The following PREX2 variants were observed in gnomAD, a reference collection of about 807,000 sequenced individuals.
PREX2 encodes phosphatidylinositol-3,4,5-trisphosphate dependent Rac exchange factor 2.
PREX2 carries 107 observed loss-of-function variants against 203.2 expected under a neutral mutation model. The ratio of observed to expected loss-of-function variants is 0.53; its 90% CI spans 0.45 to 0.62. PREX2 has a LOEUF of 0.62. Ranked by LOEUF, PREX2 falls within the 20% of genes least tolerant of loss-of-function variation. The pLI is 0.00. For synonymous variants in PREX2, 672 were observed against 663.6 expected (o/e 1.01, Z -0.19); for missense variants, 1,777 against 1,955.9 (o/e 0.91, Z 1.72).
At chr8:67,998,960 A>G (rs1366469869) in intron 1 of PREX2, among the ~76,000 whole-genome samples, 1 of 152,174 alleles carries the variant, frequency 6.6e-6, no homozygotes, top group Non-Finnish European at 1.5e-5. Flanking sequence ...GTTTCTTTGC[A>G]TCATTAGCTT....
intron 31 of PREX2, among the ~76,000 whole-genome samples, chr8:68,128,179 C>G (rs2129613269): frequency 6.6e-6 from 1 of 152,264 alleles, no homozygotes; most frequent in South Asian, 2.1e-4. Flanking sequence ...CTGTGCGTCT[C>G]TTTCTGTAGA....
chr8:67,989,592 A>G (rs1325876696), intron 1 of PREX2, among the ~76,000 whole-genome samples: 1 of 152,224 alleles, frequency 6.6e-6, no homozygotes, highest in Non-Finnish European at 1.5e-5. Context: ...CTATACTTAT[A>G]CAAAACTATT....
intron 14 of PREX2, among the ~76,000 whole-genome samples, chr8:68,076,067 A>T (rs887798434): frequency 6.6e-6 from 1 of 152,200 alleles, no homozygotes; most frequent in South Asian, 2.1e-4. Context: ...TAAAACCAAG[A>T]TATGGAAAGT....
intron 21 of PREX2, among the ~76,000 whole-genome samples, chr8:68,096,202 A>G (rs1193521257): frequency 6.6e-6 from 1 of 152,188 alleles, no homozygotes; most frequent in Non-Finnish European, 1.5e-5. Flanking sequence ...TGCCACATTG[A>G]AAGGTAGATT....
Position 68,126,001 on chromosome 8 carries a change from A to G in PREX2, c.3725-1377A>G, listed in dbSNP as rs903178582. 3.3e-5 allele frequency among the ~76,000 whole-genome samples: 5 copies of G among 152,004 alleles called. No homozygotes were observed. The East Asian group carries it at 5.8e-4, about 18-fold the overall frequency. ...TCACAGAGTCTTGCGGTGATTTTCT[A>G]TTAGGTAAGACTAAACACATTGATC... is the stretch of plus-strand genomic sequence containing the variant. On this transcript the variant is annotated intron_variant, in intron 30 of 39. Coordinates refer to ENST00000288368, the MANE Select transcript of PREX2 (RefSeq NM_024870.4).
chr8:68,169,184 T>C (rs1322831235), intron 35 of PREX2, among the ~76,000 whole-genome samples: 2 of 152,082 alleles, frequency 1.3e-5, no homozygotes. Flanking sequence ...ACGAGTGTTC[T>C]ATTCTCAGAA....
chr8:68,078,269 G>A (rs1221297376), intron 15 of PREX2, among the ~76,000 whole-genome samples: 2 of 152,082 alleles, frequency 1.3e-5, no homozygotes, highest in African/African-American at 2.4e-5. Flanking sequence ...GGGTTGAAGC[G>A]ATTCTCCCAC....
intron 31 of PREX2, among the ~76,000 whole-genome samples, chr8:68,131,290 G>A (rs193072349): frequency 1.1e-4 from 17 of 152,294 alleles, no homozygotes; most frequent in Admixed American, 4.6e-4. Context: ...TGAGATGATG[G>A]TTTGTAAAAA....
At chr8:68,108,424 T>G in intron 24 of PREX2, 93 bp downstream of exon 24, 1 of 809,828 alleles carries the variant, frequency 1.2e-6, no homozygotes, top group Non-Finnish European at 2.0e-6. Flanking sequence ...AGATACCTGG[T>G]GTGCAAACAA....
chr8:68,140,389 CTTATT>C (rs1170029695), intron 33 of PREX2, among the ~76,000 whole-genome samples: 1 of 152,150 alleles, frequency 6.6e-6, no homozygotes, highest in Non-Finnish European at 1.5e-5. Context: ...GAATATAATT[CTTATT>C]TTAAGTTGAT....
intron 23 of PREX2, among the ~76,000 whole-genome samples, chr8:68,101,920 G>T (rs753828287): frequency 7.2e-5 from 11 of 152,180 alleles, no homozygotes; most frequent in Non-Finnish European, 1.2e-4. Context: ...ATATTAGGTA[G>T]CAAATTGATG....
intron 34 of PREX2, among the ~76,000 whole-genome samples, chr8:68,152,714 CACT>C (rs1811467374): frequency 6.6e-6 from 1 of 152,180 alleles, no homozygotes; most frequent in Non-Finnish European, 1.5e-5. Context: ...TCCCTGGAAA[CACT>C]GACCAGCAAG....
chr8:68,180,120 C>T (rs886589008), intron 35 of PREX2, among the ~76,000 whole-genome samples: 45 of 152,094 alleles, frequency 3.0e-4, no homozygotes, highest in African/African-American at 1.1e-3. Context: ...ATACCTCCCC[C>T]TCTTTTCAGG....
chr8:68,078,808 AC>A (rs1809428360), intron 15 of PREX2, among the ~76,000 whole-genome samples: 1 of 151,848 alleles, frequency 6.6e-6, no homozygotes, highest in Non-Finnish European at 1.5e-5. Flanking sequence ...AAGCACCAAC[AC>A]AGTAATTTTA....
At chr8:68,181,541 C>T (rs183680969) in intron 35 of PREX2, among the ~76,000 whole-genome samples, 49 of 152,192 alleles carry the variant, frequency 3.2e-4, no homozygotes, top group African/African-American at 1.1e-3. Context: ...TTGTCTTTCT[C>T]AGTCAGCTAT....
At chr8:68,013,470 T>C (rs1205292990) in intron 1 of PREX2, among the ~76,000 whole-genome samples, 1 of 152,146 alleles carries the variant, frequency 6.6e-6, no homozygotes, top group South Asian at 2.1e-4. Flanking sequence ...CAGAACAAAC[T>C]CTGATTCTCC....
intron 35 of PREX2, among the ~76,000 whole-genome samples, chr8:68,181,047 TTTAAA>T (rs1166734166): frequency 3.3e-5 from 5 of 152,204 alleles, no homozygotes; most frequent in African/African-American, 4.8e-5. Context: ...TCATTTTGTC[TTTAAA>T]TTATTTACTT....
At chr8:67,968,107 G>A (rs1439763816) in intron 1 of PREX2, among the ~76,000 whole-genome samples, 1 of 150,832 alleles carries the variant, frequency 6.6e-6, no homozygotes, top group Non-Finnish European at 1.5e-5. Flanking sequence ...AACCCTCCCC[G>A]GCTTTCTTCC....
intron 32 of PREX2, among the ~76,000 whole-genome samples, chr8:68,135,822 T>C (rs1018737252): frequency 2.0e-5 from 3 of 152,166 alleles, no homozygotes; most frequent in African/African-American, 7.2e-5. Flanking sequence ...TGGAAACAAC[T>C]TATATGTCCA....
Sources: gnomAD v4.1 joint callset for allele counts (sites outside exome capture counted in the v4.1 genomes callset) on GRCh38, gnomAD v4.1.1 for gene constraint, MANE v1.5 for transcripts, NCBI Gene and HGNC (gene_info 2026-07-23, HGNC 2026-07-21) for gene names.